The following FARP1 variants were observed in gnomAD, a reference collection of about 807,000 sequenced individuals.
FARP1 encodes FERM, ARH/RhoGEF and pleckstrin domain protein 1.
A neutral mutation model predicts 128.8 loss-of-function variants in FARP1; 52 were observed. The ratio of observed to expected loss-of-function variants is 0.40; its 90% CI spans 0.32 to 0.51. The LOEUF (loss-of-function observed/expected upper bound fraction) is 0.51. Among genes scored for constraint, FARP1 ranks in the 20% least tolerant of loss-of-function variants. The pLI, the probability that FARP1 is intolerant of heterozygous loss-of-function variation, is 0.45. For missense variants in FARP1, 1,333 were observed against 1,367.9 expected, an observed-to-expected ratio of 0.97 and a Z score of 0.40; for synonymous variants, 580 against 551.8, an observed-to-expected ratio of 1.05 and a Z score of -0.72.
intron 2 of FARP1, among the ~76,000 whole-genome samples, chr13:98,266,957 T>C (rs1291099548): frequency 4.6e-5 from 6 of 130,910 alleles, no homozygotes; most frequent in African/African-American, 1.8e-4. Context: ...GAGGTTGCAG[T>C]GAGCCAAGGT....
intron 1 of FARP1, among the ~76,000 whole-genome samples, chr13:98,202,687 ACTT>A (rs1248152415): frequency 1.3e-5 from 2 of 151,860 alleles, no homozygotes; most frequent in Non-Finnish European, 2.9e-5. Flanking sequence ...TTGTTTAATT[ACTT>A]CTTAATGAAA....
intron 2 of FARP1, among the ~76,000 whole-genome samples, chr13:98,284,290 T>C (rs906234386): frequency 3.9e-5 from 6 of 152,202 alleles, no homozygotes; most frequent in African/African-American, 1.4e-4. Context: ...CAAAAGATTG[T>C]TGGTCAACAC....
At chr13:98,305,804 C>T (rs1262126136) in intron 2 of FARP1, among the ~76,000 whole-genome samples, 1 of 152,116 alleles carries the variant, frequency 6.6e-6, no homozygotes, top group Admixed American at 6.5e-5. Context: ...TCCACTGTTT[C>T]TTCTAAAACT....
At chr13:98,407,584 G>C (rs1463553157) in intron 13 of FARP1, 1 of 152,102 alleles carries the variant, frequency 6.6e-6, no homozygotes, top group Non-Finnish European at 1.5e-5. Context: ...TGTTAGTGAG[G>C]TATATTAAAA....
intron 2 of FARP1, among the ~76,000 whole-genome samples, chr13:98,263,764 T>C (rs751790305): frequency 2.0e-5 from 3 of 152,256 alleles, no homozygotes; most frequent in Non-Finnish European, 4.4e-5. Context: ...TTAAATGATA[T>C]TTATCTTAGA....
chr13:98,254,334 A>G (rs1380012804), intron 2 of FARP1, among the ~76,000 whole-genome samples: 1 of 152,196 alleles, frequency 6.6e-6, no homozygotes, highest in Non-Finnish European at 1.5e-5. Context: ...AAATTTCTTA[A>G]CTTTAGTGAG....
chr13:98,313,313 AACACAC>A (rs10684013), intron 2 of FARP1, among the ~76,000 whole-genome samples: 30 of 139,462 alleles, frequency 2.2e-4, no homozygotes, highest in African/African-American at 7.0e-4. Context: ...CCTTCCCCCA[AACACAC>A]ACACACACAC....
intron 2 of FARP1, among the ~76,000 whole-genome samples, chr13:98,293,930 T>C (rs1320674210): frequency 1.3e-5 from 2 of 152,156 alleles, no homozygotes; most frequent in Non-Finnish European, 2.9e-5. Context: ...CAGATGTTTT[T>C]GGGATTGTAA....
At chr13:98,255,941 A>G (rs9517232) in intron 2 of FARP1, among the ~76,000 whole-genome samples, 113,411 of 152,164 alleles carry the variant, frequency 0.75, 44,666 homozygotes, top group East Asian at 0.89. Context: ...CCAGCCCCCA[A>G]ATCCAGAACA....
At chr13:98,189,458 A>G (rs1452070811) in intron 1 of FARP1, among the ~76,000 whole-genome samples, 1 of 152,210 alleles carries the variant, frequency 6.6e-6, no homozygotes, top group African/African-American at 2.4e-5. Context: ...ACAGGCAGAC[A>G]AGAACAGCTT....
At chr13:98,380,316 G>A (rs764954111) in intron 6 of FARP1, among the ~76,000 whole-genome samples, 3 of 147,096 alleles carry the variant, frequency 2.0e-5, no homozygotes, top group Non-Finnish European at 4.5e-5. Context: ...GTGTGGTGGC[G>A]GTGGGCGCCT....
At chr13:98,346,617 C>T (rs780930723) in intron 3 of FARP1, among the ~76,000 whole-genome samples, 32 of 151,914 alleles carry the variant, frequency 2.1e-4, no homozygotes, top group Admixed American at 7.2e-4. Flanking sequence ...TGGTGGCGCA[C>T]GCCTGTAGTC....
At chr13:98,373,179 G>A (rs55843116) in intron 5 of FARP1, among the ~76,000 whole-genome samples, 3,435 of 152,140 alleles carry the variant, frequency 0.023, 136 homozygotes, top group African/African-American at 0.079. Flanking sequence ...ATGCCATCTC[G>A]CAGCCCATGT....
chr13:98,318,371 G>T (rs996218231), intron 2 of FARP1, among the ~76,000 whole-genome samples: 1 of 152,098 alleles, frequency 6.6e-6, no homozygotes, highest in Non-Finnish European at 1.5e-5. Flanking sequence ...CTTCTTCTAA[G>T]AACGTGAATC....
At chr13:98,221,648 A>G (rs1024968623) in intron 2 of FARP1, among the ~76,000 whole-genome samples, 4 of 152,210 alleles carry the variant, frequency 2.6e-5, no homozygotes, top group Admixed American at 6.5e-5. Flanking sequence ...CAGAAATTTT[A>G]CGTGCATTTT....
intron 1 of FARP1, 105 bp from the exon 2 acceptor site, chr13:98,213,115 A>T: frequency 1.3e-6 from 1 of 796,824 alleles, no homozygotes. Context: ...ATTCCTGTGC[A>T]GGGGATGGAG....
chr13:98,427,163 C>T (rs552359279), intron 17 of FARP1, among the ~76,000 whole-genome samples: 1 of 152,212 alleles, frequency 6.6e-6, no homozygotes, highest in East Asian at 1.9e-4. Flanking sequence ...TCCCTGGGCT[C>T]CACCTATTCA....
chr13:98,322,806 A>T (rs1220838399), intron 2 of FARP1, among the ~76,000 whole-genome samples: 1 of 152,180 alleles, frequency 6.6e-6, no homozygotes, highest in Non-Finnish European at 1.5e-5. Context: ...AACCCAACCA[A>T]CTGAAAACAC....
At chr13:98,446,249 T>TGGCAGCATGAGGTGAGGGGGC (rs747721963) in intron 25 of FARP1, 44 bp downstream of exon 25, 1 of 1,363,330 alleles carries the variant, frequency 7.3e-7, no homozygotes, top group African/African-American at 1.4e-5. Flanking sequence ...ACCTTGGGGG[T>TGGCAGCATGAGGTGAGGGGGC]GGCAGCATGA....
Sources: allele counts gnomAD v4.1 joint callset (sites outside exome capture counted in the v4.1 genomes callset), GRCh38; gene constraint gnomAD v4.1.1; transcripts MANE v1.5; gene names NCBI Gene and HGNC (gene_info 2026-07-23, HGNC 2026-07-21).